The following LZIC variants were observed in gnomAD, a reference collection of about 807,000 sequenced individuals.
LZIC encodes the protein protein LZIC.
LZIC carries 28 observed loss-of-function variants against 25.4 expected under a neutral mutation model. That is an observed-to-expected ratio of 1.10 (90% CI 0.82 to 1.51). The LOEUF (loss-of-function observed/expected upper bound fraction) is 1.51, where lower values mean the gene tolerates loss of function less well. Among genes scored for constraint, LZIC ranks in the 40% most tolerant of loss-of-function variants. LZIC has a pLI of 0.00. For missense variants in LZIC, 170 were observed against 211.1 expected (o/e 0.81, Z 1.21); for synonymous variants, 65 against 70.7 (o/e 0.92, Z 0.40).
At chr1:9,923,046 A>G (rs1639898807), downstream of LZIC, among the ~76,000 whole-genome samples, 1 of 152,184 alleles carries the variant, frequency 6.6e-6, no homozygotes, top group Non-Finnish European at 1.5e-5. Context: ...TATAACAGAA[A>G]AAGTAATTTA....
chr1:9,943,389 TC>T lies in LZIC; in HGVS notation c.-309del, dbSNP rs1640869374. 1 of 152,560 alleles carries T rather than the reference TC, an allele frequency of 6.6e-6. No homozygotes were observed. Among genetic ancestry groups the T allele is most frequent in the African/African-American group, 2.4e-5 (1 of 41,582 alleles). 9.5% of individuals were successfully genotyped at this position (152,560 alleles called of 1,614,324 possible). On this transcript the variant is annotated 5_prime_UTR_variant, in exon 1 of 8. Transcript: ENST00000377223. ...TGGCGGACCGCGCCGGGGGAGCACT[TC>T]CGCTGGACGCACGCACTTCCGGCCC...
downstream of LZIC, among the ~76,000 whole-genome samples, chr1:9,925,879 C>T (rs1281253477): frequency 6.8e-6 from 1 of 146,500 alleles, no homozygotes; most frequent in Non-Finnish European, 1.5e-5. Flanking sequence ...TGAGCCACCA[C>T]TCATGCCTTT....
At chr1:9,942,947 G>A in intron 1 of LZIC, 165 bp from the exon 2 acceptor site, 1 of 354,084 alleles carries the variant, frequency 2.8e-6, no homozygotes, top group South Asian at 2.1e-5. Context: ...TTCCTAGCGA[G>A]GCCGAGAGGG....
rs1002803102 is a variant in LZIC, at chr1:9,927,645, A to G, written c.*2754T>C. On this transcript the variant is annotated 3_prime_UTR_variant, in exon 8 of 8. Transcript: ENST00000377223. ...AAGATATTCCTAATTTTTCTGGTCT[A>G]CTATTGCAGGGTAAGGGAAGAATCT... Among the ~76,000 whole-genome samples the G allele has an allele frequency of 4.8e-5, 7 of 144,484 alleles. No homozygotes were observed. The highest frequency in any genetic ancestry group is 1.4e-4 in the Admixed American group (2 of 14,422). 94.8% of individuals were successfully genotyped at this position (144,484 alleles called of 152,430 possible).
Position 9,928,474 on chromosome 1 carries a change from C to T in LZIC, c.*1925G>A, listed in dbSNP as rs1208742797. On this transcript the variant is annotated 3_prime_UTR_variant, in exon 8 of 8. Transcript: ENST00000377223. ...GCCAAAAGAAGGAAACAACCCAAAT[C>T]ATCAACAGATACCGGATAAACAAAA... Among the ~76,000 whole-genome samples the T allele has an allele frequency of 6.6e-6, 1 of 152,150 alleles. No individual in the cohort carries two copies. Among genetic ancestry groups the T allele is most frequent in the Non-Finnish European group, 1.5e-5 (1 of 68,030 alleles).
Position 9,929,585 on chromosome 1 carries a change from C to T in LZIC, c.*814G>A. On this transcript the variant is annotated 3_prime_UTR_variant, in exon 8 of 8. Transcript: ENST00000377223. ...TCTAGCTGCCATTTCCTGTTGCTTC[C>T]CTGGTCAAACAACGCAGGCGGCTAA... 1.0e-6 allele frequency: 1 copy of T among 985,394 alleles called. No individual in the cohort carries two copies. The highest frequency in any genetic ancestry group is 1.2e-6 in the Non-Finnish European group (1 of 829,928). 61.0% of individuals were successfully genotyped at this position (985,394 alleles called of 1,614,324 possible). A position where few individuals can be genotyped will look rare whatever the true frequency, so the allele number is the denominator to read the frequency against.
rs1412513983 is a variant in LZIC at position 9,929,385 on chromosome 1, T to C, written c.*1014A>G. ...CTAGAGCCTAAAAAATAAGCTAATA[T>C]ACACGCATAGGGACACATCTGCATA... On this transcript the variant is annotated 3_prime_UTR_variant, in exon 8 of 8. Coordinates refer to ENST00000377223, the MANE Select transcript of LZIC (RefSeq NM_032368.5). The C allele has an allele frequency of 1.2e-5, 12 of 985,064 alleles. No individual in the cohort carries two copies. The highest frequency in any genetic ancestry group is 1.4e-5 in the Non-Finnish European group (12 of 829,742). 61.0% of individuals were successfully genotyped at this position (985,064 alleles called of 1,614,324 possible).
At chr1:9,941,207 CTTTT>C (rs1291971490) in intron 2 of LZIC, among the ~76,000 whole-genome samples, 1 of 148,864 alleles carries the variant, frequency 6.7e-6, no homozygotes. Context: ...TTTCCTCTTT[CTTTT>C]TTTTTTGATG....
rs1640006069 is a variant in LZIC, at chr1:9,927,000, A to G, written c.*3399T>C. On this transcript the variant is annotated 3_prime_UTR_variant, in exon 8 of 8. Transcript: ENST00000377223. Reference sequence around the variant, plus strand: ...ATGGTGAGTTAGTTTTCCAAGTAAAAACTTTACGTGCATTAACAGAGGGGA... The same window carrying G: ...ATGGTGAGTTAGTTTTCCAAGTAAAGACTTTACGTGCATTAACAGAGGGGA... Among the ~76,000 whole-genome samples, 1 of 152,154 alleles carries G rather than the reference A, an allele frequency of 6.6e-6. No homozygotes were observed. Among genetic ancestry groups the G allele is most frequent in the Admixed American group, 6.6e-5 (1 of 15,250 alleles).
At position 9,942,627 on chromosome 1, in the gene LZIC, T is replaced by A. The variant is rs1408262680; in HGVS notation, c.-12A>T. The A allele has an allele frequency of 6.2e-6, 8 of 1,281,496 alleles. No homozygotes were observed. Among genetic ancestry groups the A allele is most frequent in the South Asian group, 1.2e-5 (1 of 80,798 alleles). The allele number at this position is 1,281,496 out of a possible 1,614,324, so 79.4% of individuals were successfully genotyped here. On this transcript the variant is annotated 5_prime_UTR_variant, in exon 2 of 8. Transcript: ENST00000377223. ...GAGGGTCCTCATTCATGCTCACCTG[T>A]CTCTTAGTACTCTGATCTCTGCACA... is the stretch of plus-strand genomic sequence containing the variant.
chr1:9,936,906 T>C (rs1187494248), intron 2 of LZIC, among the ~76,000 whole-genome samples: 3 of 144,644 alleles, frequency 2.1e-5, no homozygotes, highest in African/African-American at 2.6e-5. Flanking sequence ...CCGAGGCGGG[T>C]GGATCACAAG....
At chr1:9,923,518 C>CTTTTTTTTTTTTTTT (rs60858066), downstream of LZIC, among the ~76,000 whole-genome samples, 5 of 74,164 alleles carry the variant, frequency 6.7e-5, no homozygotes, top group Non-Finnish European at 1.3e-4. Context: ...CCCAATGCTT[C>CTTTTTTTTTTTTTTT]TTTTTTTTTT....
At position 9,927,002 on chromosome 1, in the gene LZIC, C is replaced by T. The variant is rs1373375004; in HGVS notation, c.*3397G>A. Among the ~76,000 whole-genome samples, 2 of 152,118 alleles carry T rather than the reference C, an allele frequency of 1.3e-5. No individual in the cohort carries two copies. Among genetic ancestry groups the T allele is most frequent in the Non-Finnish European group, 2.9e-5 (2 of 68,016 alleles). On this transcript the variant is annotated 3_prime_UTR_variant, in exon 8 of 8. Transcript: ENST00000377223. The stretch of plus-strand genomic sequence containing the variant: ...GGTGAGTTAGTTTTCCAAGTAAAAA[C>T]TTTACGTGCATTAACAGAGGGGAAT...
intron 2 of LZIC, among the ~76,000 whole-genome samples, chr1:9,941,686 G>A (rs1640746108): frequency 6.6e-6 from 1 of 151,124 alleles, no homozygotes; most frequent in Admixed American, 6.6e-5. Context: ...TTTTAGGAGA[G>A]ACGGGTTTCA....
chr1:9,941,343 C>T (rs60132751), intron 2 of LZIC, among the ~76,000 whole-genome samples: 11,866 of 151,514 alleles, frequency 0.078, 614 homozygotes, highest in South Asian at 0.13. Flanking sequence ...TGTAGGTGCC[C>T]GCCACCACGC....
downstream of LZIC, among the ~76,000 whole-genome samples, chr1:9,923,235 GT>G (rs1425647582): frequency 6.6e-6 from 1 of 152,194 alleles, no homozygotes; most frequent in Admixed American, 6.5e-5. Flanking sequence ...TTATTTTATT[GT>G]TTTTGAGATG....
chr1:9,942,919 G>T, intron 1 of LZIC, 137 bp from the exon 2 acceptor site: 1 of 354,246 alleles, frequency 2.8e-6, no homozygotes, highest in Non-Finnish European at 5.6e-6. Flanking sequence ...TGCGCCTACC[G>T]CAGCCTTTCT....
downstream of LZIC, among the ~76,000 whole-genome samples, chr1:9,923,518 CTTTT>C (rs60858066): frequency 6.7e-5 from 5 of 74,162 alleles, no homozygotes; most frequent in South Asian, 5.5e-4. Context: ...CCCAATGCTT[CTTTT>C]TTTTTTTTTT....
rs543637346 is a variant in LZIC at position 9,938,707 on chromosome 1, G to GT, written c.-8-2081dup. ...ATTTCGTCTCCTGACTAAATTTTAT[G>GT]TTTTTTTGTCATGGCAAATTATTAT... On this transcript the variant is annotated intron_variant, in intron 2 of 7. Coordinates refer to ENST00000377223, the MANE Select transcript of LZIC (RefSeq NM_032368.5). Among the ~76,000 whole-genome samples the GT allele has an allele frequency of 1.3e-3, 201 of 152,166 alleles. 1 individual carries two copies. Among genetic ancestry groups the GT allele is most frequent in the African/African-American group, 4.5e-3 (187 of 41,540 alleles).
Sources: allele counts gnomAD v4.1 joint callset (sites outside exome capture counted in the v4.1 genomes callset), GRCh38; gene constraint gnomAD v4.1.1; transcripts MANE v1.5; gene names NCBI Gene and HGNC (gene_info 2026-07-23, HGNC 2026-07-21).